PIK3C2G: variants seen among roughly 807,000 people sequenced by gnomAD.
PIK3C2G encodes the protein phosphatidylinositol 3-kinase C2 domain-containing subunit gamma.
Under a neutral mutation model 181.1 loss-of-function variants are expected in PIK3C2G, and 168 were observed. The observed-to-expected ratio is 0.93, with a 90% CI of 0.82 to 1.05. PIK3C2G has a LOEUF of 1.05. Ranked by LOEUF, PIK3C2G falls within the 50% of genes least tolerant of loss-of-function variation. The pLI is 0.00. For synonymous variants in PIK3C2G, 573 were observed against 592.2 expected (o/e 0.97, Z 0.47); for missense variants, 1,869 against 1,732.8 (o/e 1.08, Z -1.40).
chr12:18,526,287 T>G (rs2136199457), intron 24 of PIK3C2G, among the ~76,000 whole-genome samples: 1 of 152,286 alleles, frequency 6.6e-6, no homozygotes, highest in Admixed American at 6.5e-5. Flanking sequence ...TCTTTGAAAT[T>G]AGGTGATTCT....
the PIK3C2G span, among the ~76,000 whole-genome samples, chr12:18,696,888 T>C: frequency 6.6e-6 from 1 of 152,186 alleles, no homozygotes; most frequent in African/African-American, 2.4e-5. Context: ...TTATTTCAAA[T>C]GTCGTTCTTA....
the PIK3C2G span, among the ~76,000 whole-genome samples, chr12:18,707,739 G>C: frequency 6.6e-6 from 1 of 152,032 alleles, no homozygotes; most frequent in Admixed American, 6.6e-5. Flanking sequence ...TGACTACCTT[G>C]AGTAGGAAGT....
At chr12:18,722,862 TTTC>T in the PIK3C2G span, among the ~76,000 whole-genome samples, 1 of 152,052 alleles carries the variant, frequency 6.6e-6, no homozygotes, top group African/African-American at 2.4e-5. Flanking sequence ...TTTATAATAT[TTTC>T]TTCTTAGAAT....
chr12:18,587,218 G>A (rs1247923471), intron 29 of PIK3C2G, among the ~76,000 whole-genome samples: 10 of 152,044 alleles, frequency 6.6e-5, no homozygotes, highest in Non-Finnish European at 8.8e-5. Flanking sequence ...GCAATAAGGC[G>A]AGAGAAATAA....
chr12:18,539,369 C>A (rs775270030), intron 25 of PIK3C2G, among the ~76,000 whole-genome samples: 35 of 151,734 alleles, frequency 2.3e-4, no homozygotes, highest in Non-Finnish European at 4.6e-4. Flanking sequence ...TTCATAACAA[C>A]CCTAACAGAT....
At chr12:18,693,718 C>A in the PIK3C2G span, 1 of 1,552,834 alleles carries the variant, frequency 6.4e-7, no homozygotes, top group Non-Finnish European at 8.9e-7. Flanking sequence ...AACTGCTGAA[C>A]CAGTTGGATG....
At chr12:18,600,724 G>GA (rs913841666) in intron 30 of PIK3C2G, among the ~76,000 whole-genome samples, 3 of 151,204 alleles carry the variant, frequency 2.0e-5, no homozygotes, top group East Asian at 1.9e-4. Flanking sequence ...AATTTTCTAG[G>GA]AAAAAAAAAT....
intron 18 of PIK3C2G, among the ~76,000 whole-genome samples, chr12:18,476,206 G>A (rs1938974023): frequency 6.6e-6 from 1 of 152,116 alleles, no homozygotes; most frequent in African/African-American, 2.4e-5. Flanking sequence ...AATGTGCTAA[G>A]TTAAACATTA....
At chr12:18,557,885 C>T (rs747043600) in intron 26 of PIK3C2G, among the ~76,000 whole-genome samples, 2 of 152,144 alleles carry the variant, frequency 1.3e-5, no homozygotes, top group Non-Finnish European at 1.5e-5. Context: ...ATACCACATT[C>T]GTGAACTGAA....
Position 18,648,120 on chromosome 12 carries a change from T to G in PIK3C2G, c.*92T>G, listed in dbSNP as rs914632769. On this transcript the variant is annotated 3_prime_UTR_variant, in exon 33 of 33. Transcript: ENST00000538779. ...TCACATAAGTAAGGCATCTTTGTTGTCAAAGACAGCACAGGGTATTAAGGA... is the reference window on the plus strand; with the variant it reads ...TCACATAAGTAAGGCATCTTTGTTGGCAAAGACAGCACAGGGTATTAAGGA... The G allele has an allele frequency of 1.4e-6, 1 of 700,518 alleles. No individual in the cohort carries two copies. Among genetic ancestry groups the G allele is most frequent in the Non-Finnish European group, 2.2e-6 (1 of 449,776 alleles). 43.4% of individuals were successfully genotyped at this position (700,518 alleles called of 1,614,324 possible).
At chr12:18,662,802 A>C in the PIK3C2G span, among the ~76,000 whole-genome samples, 1 of 152,144 alleles carries the variant, frequency 6.6e-6, no homozygotes, top group Non-Finnish European at 1.5e-5. Flanking sequence ...TAACTTTAGC[A>C]TGTTAAATGT....
intron 18 of PIK3C2G, among the ~76,000 whole-genome samples, chr12:18,470,346 T>G (rs1938340824): frequency 6.6e-6 from 1 of 152,002 alleles, no homozygotes. Flanking sequence ...AGACGCAGGG[T>G]CCAGGGTCTC....
At chr12:18,271,068 C>T (rs904169355) in intron 1 of PIK3C2G, among the ~76,000 whole-genome samples, 1 of 152,082 alleles carries the variant, frequency 6.6e-6, no homozygotes, top group Non-Finnish European at 1.5e-5. Flanking sequence ...CTAGTGGAAG[C>T]TGTTCATAGT....
At chr12:18,334,494 T>G (rs1054219773) in intron 8 of PIK3C2G, among the ~76,000 whole-genome samples, 19 of 152,258 alleles carry the variant, frequency 1.2e-4, no homozygotes, top group Non-Finnish European at 7.4e-5. Context: ...TACCTTCACG[T>G]TGATGTCTAT....
At chr12:18,611,689 C>T (rs1047330121) in intron 31 of PIK3C2G, among the ~76,000 whole-genome samples, 2 of 152,044 alleles carry the variant, frequency 1.3e-5, no homozygotes, top group African/African-American at 4.8e-5. Flanking sequence ...CACCTTCATT[C>T]TCTAGTTACT....
intron 5 of PIK3C2G, among the ~76,000 whole-genome samples, chr12:18,305,275 A>G (rs1460875161): frequency 1.3e-5 from 2 of 152,190 alleles, no homozygotes; most frequent in Non-Finnish European, 2.9e-5. Context: ...CTTGTGCTAA[A>G]TAAAGTTTGT....
chr12:18,313,563 C>G (rs1950728329), intron 5 of PIK3C2G, among the ~76,000 whole-genome samples: 1 of 151,864 alleles, frequency 6.6e-6, no homozygotes, highest in African/African-American at 2.4e-5. Flanking sequence ...TCAGTTAGAC[C>G]ACCCAGAAGC....
At chr12:18,300,183 C>T (rs1950115071) in intron 5 of PIK3C2G, among the ~76,000 whole-genome samples, 1 of 151,856 alleles carries the variant, frequency 6.6e-6, no homozygotes, top group Non-Finnish European at 1.5e-5. Flanking sequence ...TGCTGAGAGA[C>T]TTTTTATTAC....
At chr12:18,432,399 C>T (rs1946212324) in intron 18 of PIK3C2G, among the ~76,000 whole-genome samples, 1 of 152,112 alleles carries the variant, frequency 6.6e-6, no homozygotes, top group Admixed American at 6.5e-5. Flanking sequence ...GGGAACTGAG[C>T]TTCCTAATCC....
Sources: allele counts gnomAD v4.1 joint callset (sites outside exome capture counted in the v4.1 genomes callset), GRCh38; gene constraint gnomAD v4.1.1; transcripts MANE v1.5; gene names NCBI Gene and HGNC (gene_info 2026-07-23, HGNC 2026-07-21).